The following CACNA1S variants were observed in gnomAD, a reference collection of about 807,000 sequenced individuals.
The protein encoded by CACNA1S is voltage-dependent L-type calcium channel subunit alpha-1S.
In CACNA1S, 126 loss-of-function variants were observed where a neutral mutation model predicts 207.4. The observed-to-expected ratio is 0.61, with a 90% confidence interval of 0.53 to 0.70. CACNA1S has a LOEUF of 0.70. Ranked by LOEUF, CACNA1S falls within the 30% of genes least tolerant of loss-of-function variation. CACNA1S has a pLI of 0.00. For synonymous variants in CACNA1S, 960 were observed against 932.7 expected (o/e 1.03, Z -0.53); for missense variants, 2,349 against 2,422.8 (o/e 0.97, Z 0.64).
intron 2 of CACNA1S, among the ~76,000 whole-genome samples, chr1:201,101,639 C>T (rs1662671826): frequency 6.6e-6 from 1 of 152,174 alleles, no homozygotes; most frequent in Admixed American, 6.5e-5. Context: ...GGCACACACA[C>T]CTTCTGGTGT....
chr1:201,102,035 A>T (rs1662689797), intron 2 of CACNA1S, among the ~76,000 whole-genome samples: 1 of 152,186 alleles, frequency 6.6e-6, no homozygotes, highest in Non-Finnish European at 1.5e-5. Flanking sequence ...CTGGCCTGGG[A>T]GTAAACTCTA....
intron 19 of CACNA1S, 51 bp from the exon 20 acceptor site, chr1:201,067,044 T>A: frequency 8.1e-7 from 1 of 1,228,990 alleles, no homozygotes; most frequent in Non-Finnish European, 1.2e-6. Context: ...AGAACAGGCC[T>A]GTCTCCCACA....
In CACNA1S at chr1:201,062,343, C is replaced by T. The variant is rs1474993698; in HGVS notation, c.2906+119G>A. Reference sequence around the variant, plus strand: ...AACACACAGTCCCCTGCCCTGTGATCGTCCTGCCACACTCCCTGCCCCGTG... The same window carrying T: ...AACACACAGTCCCCTGCCCTGTGATTGTCCTGCCACACTCCCTGCCCCGTG... On this transcript the variant is annotated intron_variant, in intron 23 of 43. Coordinates refer to ENST00000362061, the MANE Select transcript of CACNA1S (RefSeq NM_000069.3). The T allele has an allele frequency of 5.5e-6, 6 of 1,096,860 alleles. No individual in the cohort carries two copies. In the East Asian group the frequency reaches 9.4e-5, roughly 17 times the overall value. The allele number at this position is 1,096,860 out of a possible 1,614,324, so 67.9% of individuals were successfully genotyped here. A position where few individuals can be genotyped will look rare whatever the true frequency, so the allele number is the denominator to read the frequency against.
rs1392743415 is a variant in CACNA1S, at chr1:201,075,597, A to G, written c.1846T>C (p.Trp616Arg). 6.2e-7 allele frequency: 1 copy of G among 1,614,174 alleles called. No individual in the cohort carries two copies. Among genetic ancestry groups the G allele is most frequent in the Non-Finnish European group, 8.5e-7 (1 of 1,179,982 alleles). Reference sequence around the variant, plus strand: ...ATCCCATTGTACATCATTGAGGTCCAGTCTTCCCCTGTCAGTACCTGTATG... The same window carrying G: ...ATCCCATTGTACATCATTGAGGTCCGGTCTTCCCCTGTCAGTACCTGTATG... Reference protein sequence around the residue: ...SVFQVLTGEDWTSMMYNGIMA... With the variant: ...SVFQVLTGEDRTSMMYNGIMA... Residue 616 changes from tryptophan to arginine, a missense_variant, in exon 13 of 44, where the codon TGG becomes CGG. Trp to Arg is a moderately radical substitution (Grantham distance 101, BLOSUM62 -3). Transcript: ENST00000362061.
rs533433692 is a variant in CACNA1S at position 201,104,011 on chromosome 1, C to A, written c.258+6153G>T. Among the ~76,000 whole-genome samples, 75 of 149,784 alleles carry A rather than the reference C, an allele frequency of 5.0e-4. No homozygotes were observed. In the South Asian group the frequency reaches 0.016, roughly 31 times the overall value. ...CCAGGCCCTGCCCTGCCCTGCCCTG[C>A]CCTCGAGGAGAGCAGGCACCATCTA... On this transcript the variant is annotated intron_variant, in intron 2 of 43. Coordinates refer to ENST00000362061, the MANE Select transcript of CACNA1S (RefSeq NM_000069.3).
chr1:201,047,027 G>T, intron 38 of CACNA1S, 88 bp downstream of exon 38: 1 of 1,533,770 alleles, frequency 6.5e-7, no homozygotes, highest in Non-Finnish European at 9.0e-7. Context: ...CTCCATCATT[G>T]GCCCCTCAAG....
Position 201,074,520 on chromosome 1 carries a change from G to A in CACNA1S, c.2049C>T (p.Arg683=). ...GAAGCACTCACTTGGACATCTTCCTGCGTTTTTTCTCCTCAGCCTTGGCCT... is the reference window on the plus strand; with the variant it reads ...GAAGCACTCACTTGGACATCTTCCTACGTTTTTTCTCCTCAGCCTTGGCCT... ...AQKAKAEEKK[R]RKMSKGLPDK... is the part of the protein sequence containing the mutation. Residue 683 remains arginine (R), a synonymous_variant, in exon 14 of 44, where the codon CGC becomes CGT. Transcript: ENST00000362061. 6.2e-7 allele frequency: 1 copy of A among 1,611,842 alleles called. No homozygotes were observed. The highest frequency in any genetic ancestry group is 1.1e-5 in the South Asian group (1 of 90,938).
At position 201,049,027 on chromosome 1, in the gene CACNA1S, GAA is replaced by G; in HGVS notation, c.4312_4313del (p.Phe1438LeufsTer8). 3 of 1,613,870 alleles carry G rather than the reference GAA, an allele frequency of 1.9e-6. No homozygotes were observed. The highest frequency in any genetic ancestry group is 2.5e-6 in the Non-Finnish European group (3 of 1,179,890). On this transcript the variant is annotated frameshift_variant, in exon 35 of 44. Transcript: ENST00000362061. LOFTEE classifies it high-confidence loss of function. The part of the protein sequence containing the change: ...RIQPPLGFGK[F>X]CPHRVACKRL... ...CCTTACAAGCTACCCGATGTGGGCA[GAA>G]CTTCCCAAAGCCCAGAGGGGGCTGA...
At chr1:201,072,613 G>A in intron 16 of CACNA1S, 142 bp downstream of exon 16, 1 of 739,436 alleles carries the variant, frequency 1.4e-6, no homozygotes, top group Non-Finnish European at 2.5e-6. Flanking sequence ...TTGCACAGAA[G>A]GGATGTCTCC....
chr1:201,091,176 A>G (rs1662214517), intron 5 of CACNA1S, among the ~76,000 whole-genome samples: 1 of 152,154 alleles, frequency 6.6e-6, no homozygotes, highest in African/African-American at 2.4e-5. Flanking sequence ...AATGTAGGTT[A>G]TTTCTGGAAA....
chr1:201,084,677 A>G (rs546435386), intron 9 of CACNA1S, among the ~76,000 whole-genome samples: 2 of 152,310 alleles, frequency 1.3e-5, no homozygotes, highest in East Asian at 3.9e-4. Context: ...AGCAGCAAGC[A>G]TGCTCACTGC....
At chr1:201,041,383 T>C (rs949741960) in intron 41 of CACNA1S, 121 bp downstream of exon 41, 59 of 762,770 alleles carry the variant, frequency 7.7e-5, no homozygotes, top group Non-Finnish European at 1.1e-4. Flanking sequence ...ATGACTGCCA[T>C]TGTAACAGGC....
chr1:201,052,510 C>G, intron 32 of CACNA1S, 47 bp downstream of exon 32: 1 of 1,453,026 alleles, frequency 6.9e-7, no homozygotes, highest in South Asian at 1.1e-5. Context: ...AGAGCAAAGG[C>G]TGGACTGGTC....
chr1:201,073,722 A>T, intron 14 of CACNA1S, 80 bp from the exon 15 acceptor site: 1 of 1,118,972 alleles, frequency 8.9e-7, no homozygotes, highest in Non-Finnish European at 1.4e-6. Context: ...CTTCAGGAGG[A>T]TCCCACACCA....
At chr1:201,060,634 A>ATT in intron 26 of CACNA1S, 24 bp downstream of exon 26, 3 of 1,613,622 alleles carry the variant, frequency 1.9e-6, no homozygotes, top group Non-Finnish European at 2.5e-6. Flanking sequence ...CTGATCAGAC[A>ATT]TTTTTCTCCT....
In CACNA1S at chr1:201,087,854, G is replaced by A. The variant is rs779223763; in HGVS notation, c.976C>T (p.Leu326Phe). The stretch of plus-strand genomic sequence containing the variant: ...CTCAGGACACCCAGCACCAGGTTGA[G>A]GATGAAGAAGGATCCCAGCAAAATG... ...TLILLGSFFI[L>F]NLVLGVLSGE... The change falls in exon 7 of 44, where the codon CTC becomes TTC. Residue 326 changes from leucine (L) to phenylalanine (F), a missense_variant. Coordinates refer to ENST00000362061, the MANE Select transcript of CACNA1S (RefSeq NM_000069.3). 2 of 1,613,578 alleles carry A rather than the reference G, an allele frequency of 1.2e-6. No homozygotes were observed. The highest frequency in any genetic ancestry group is 2.2e-5 in the South Asian group (2 of 91,046).
chr1:201,079,306 ACCAACACTACTCTCT>A lies in CACNA1S; in HGVS notation c.1394-1217_1394-1203del, dbSNP rs1166466129. Among the ~76,000 whole-genome samples, 6 of 151,476 alleles carry A rather than the reference ACCAACACTACTCTCT, an allele frequency of 4.0e-5. No individual in the cohort carries two copies. The East Asian group carries it at 1.2e-3, about 29-fold the overall frequency. On this transcript the variant is annotated intron_variant, in intron 10 of 43. Transcript: ENST00000362061. ...TACCTGGATGCACCCTCACTACTTC[ACCAACACTACTCTCT>A]CCAGGGGCATCGATCTGCCACATCC...
Position 201,083,150 on chromosome 1 carries a change from G to C in CACNA1S, c.1393+12C>G. The C allele has an allele frequency of 1.9e-6, 3 of 1,612,170 alleles. No homozygotes were observed. The highest frequency in any genetic ancestry group is 2.5e-6 in the Non-Finnish European group (3 of 1,179,788). ...TGTGCCCTCCTCCCGGCTTCACTCC[G>C]TTCCGCCTCACCTTGCAAACGGGTC... On this transcript the variant is annotated intron_variant, in intron 10 of 43. Coordinates refer to ENST00000362061, the MANE Select transcript of CACNA1S (RefSeq NM_000069.3).
At chr1:201,056,604 C>A (rs1449425698) in intron 28 of CACNA1S, among the ~76,000 whole-genome samples, 1 of 152,242 alleles carries the variant, frequency 6.6e-6, no homozygotes, top group Admixed American at 6.5e-5. Context: ...TCATCTTTCT[C>A]TCTTTTCCAC....
Sources: gnomAD v4.1 joint callset for allele counts (sites outside exome capture counted in the v4.1 genomes callset) on GRCh38, gnomAD v4.1.1 for gene constraint, MANE v1.5 for transcripts, NCBI Gene and HGNC (gene_info 2026-07-23, HGNC 2026-07-21) for gene names.